Variants in VSNL1 observed in about 807,000 individuals in gnomAD.
The protein encoded by VSNL1 is visinin like 1, also known as visinin-like protein 1.
VSNL1 carries 6 observed loss-of-function variants against 20.4 expected under a neutral mutation model. The observed-to-expected ratio is 0.29, with a 90% CI of 0.16 to 0.58. The LOEUF (loss-of-function observed/expected upper bound fraction) is 0.58, where lower values mean the gene tolerates loss of function less well. VSNL1 is among the 20% of genes least tolerant of loss of function. The pLI is 0.90. For synonymous variants in VSNL1, 93 were observed against 86.4 expected, an observed-to-expected ratio of 1.08 and a Z score of -0.42; for missense variants, 100 against 234.5, an observed-to-expected ratio of 0.43 and a Z score of 3.75.
At chr2:17,636,122 C>G (rs1390579966) in intron 2 of VSNL1, among the ~76,000 whole-genome samples, 1 of 152,090 alleles carries the variant, frequency 6.6e-6, no homozygotes, top group Non-Finnish European at 1.5e-5. Flanking sequence ...TACCATAGCA[C>G]TCCCTGGCAT....
intron 2 of VSNL1, among the ~76,000 whole-genome samples, chr2:17,606,003 AGGGTATT>A (rs1664936911): frequency 6.6e-6 from 1 of 152,220 alleles, no homozygotes; most frequent in Non-Finnish European, 1.5e-5. Flanking sequence ...CATCCTCATA[AGGGTATT>A]TGAGGTTGGT....
intron 2 of VSNL1, among the ~76,000 whole-genome samples, chr2:17,637,094 CCGGCCCCTCTTGCCCAG>C (rs1158094216): frequency 6.6e-6 from 1 of 152,196 alleles, no homozygotes; most frequent in Non-Finnish European, 1.5e-5. Context: ...CCGGTTCCTT[CCGGCCCCTCTTGCCCAG>C]CTCTTCCCCT....
intron 1 of VSNL1, among the ~76,000 whole-genome samples, chr2:17,565,670 G>A (rs756393511): frequency 6.6e-6 from 1 of 152,180 alleles, no homozygotes; most frequent in Admixed American, 6.5e-5. Context: ...AACTGTGTTA[G>A]GATAACTGAA....
intron 2 of VSNL1, among the ~76,000 whole-genome samples, chr2:17,639,668 A>G (rs1665838897): frequency 6.6e-6 from 1 of 152,246 alleles, no homozygotes; most frequent in Non-Finnish European, 1.5e-5. Flanking sequence ...TAAAATAATA[A>G]CAACAATAAT....
chr2:17,595,196 G>C (rs1283110420), intron 2 of VSNL1, among the ~76,000 whole-genome samples: 2 of 152,194 alleles, frequency 1.3e-5, no homozygotes, highest in East Asian at 1.9e-4. Context: ...AAGACCCAGC[G>C]GCTAGCACAG....
chr2:17,648,080 G>A (rs552517955), intron 2 of VSNL1, among the ~76,000 whole-genome samples: 1 of 152,234 alleles, frequency 6.6e-6, no homozygotes, highest in East Asian at 1.9e-4. Flanking sequence ...TAGCTTTTGG[G>A]GTGATTTGTT....
Position 17,649,665 on chromosome 2 carries a change from A to G in VSNL1, c.378+40A>G. The stretch of plus-strand genomic sequence containing the variant: ...GTGGTTGGCGGGTGGTGGGCACAGA[A>G]GGAGACCCCACGGCAGCCTCCTAGG... On this transcript the variant is annotated intron_variant, in intron 3 of 3. Coordinates refer to ENST00000295156, the MANE Select transcript of VSNL1 (RefSeq NM_003385.5). This position sits in a 1 kb window ranked among gnomAD's most constrained non-coding sequence, Gnocchi z 6.4. 6.2e-7 allele frequency: 1 copy of G among 1,602,558 alleles called. No homozygotes were observed. Among genetic ancestry groups the G allele is most frequent in the Non-Finnish European group, 8.5e-7 (1 of 1,171,050 alleles).
At chr2:17,607,460 G>T (rs887448605) in intron 2 of VSNL1, among the ~76,000 whole-genome samples, 3 of 152,240 alleles carry the variant, frequency 2.0e-5, no homozygotes, top group Non-Finnish European at 4.4e-5. Flanking sequence ...TTCAATATGA[G>T]TGAGAAGAGT....
At chr2:17,540,063 C>G (rs1396914310), upstream of VSNL1, 1 of 152,288 alleles carries the variant, frequency 6.6e-6, no homozygotes, top group South Asian at 2.1e-4. Context: ...CGTTCTGGAC[C>G]GAGACTGTCC....
chr2:17,552,375 A>T (rs928590729), intron 1 of VSNL1, among the ~76,000 whole-genome samples: 1 of 152,156 alleles, frequency 6.6e-6, no homozygotes, highest in African/African-American at 2.4e-5. Context: ...TCACATAGAT[A>T]TTAAGTGATA....
rs1663271466 is a variant in VSNL1 at position 17,540,927 on chromosome 2, A to C, written c.-6+9A>C. Reference sequence around the variant, plus strand: ...TGCGCAGCGCTGTAACTGTAAGTGGAAAATACAATCTTCGTTGCATTTCTG... The same window carrying C: ...TGCGCAGCGCTGTAACTGTAAGTGGCAAATACAATCTTCGTTGCATTTCTG... On this transcript the variant is annotated intron_variant, in intron 1 of 3. Coordinates refer to ENST00000295156, the MANE Select transcript of VSNL1 (RefSeq NM_003385.5). The C allele has an allele frequency of 6.6e-6, 1 of 152,298 alleles. No individual in the cohort carries two copies. Among genetic ancestry groups the C allele is most frequent in the African/African-American group, 2.4e-5 (1 of 41,474 alleles). The allele number at this position is 152,298 out of a possible 1,614,324, so 9.4% of individuals were successfully genotyped here.
chr2:17,595,159 C>G (rs2680828), intron 2 of VSNL1, among the ~76,000 whole-genome samples: 1 of 152,086 alleles, frequency 6.6e-6, no homozygotes, highest in Non-Finnish European at 1.5e-5. Flanking sequence ...GTCATGAAGA[C>G]ACAGTCACCT....
intron 2 of VSNL1, among the ~76,000 whole-genome samples, chr2:17,619,944 G>T (rs1665317597): frequency 6.6e-6 from 1 of 152,064 alleles, no homozygotes; most frequent in Non-Finnish European, 1.5e-5. Flanking sequence ...ATAATGTGTG[G>T]TGGAGTCATG....
chr2:17,544,994 T>C (rs972241140), intron 1 of VSNL1, among the ~76,000 whole-genome samples: 2 of 152,178 alleles, frequency 1.3e-5, no homozygotes, highest in Non-Finnish European at 2.9e-5. Flanking sequence ...TTTAAAATAG[T>C]ATCTTCAGGA....
intron 2 of VSNL1, among the ~76,000 whole-genome samples, chr2:17,629,124 G>A (rs1665576211): frequency 6.6e-6 from 1 of 152,166 alleles, no homozygotes; most frequent in African/African-American, 2.4e-5. Flanking sequence ...ACCCAGCCTG[G>A]GGCTCTGGAG....
intron 1 of VSNL1, among the ~76,000 whole-genome samples, chr2:17,557,850 G>A (rs1663723400): frequency 6.6e-6 from 1 of 152,168 alleles, no homozygotes; most frequent in South Asian, 2.1e-4. Context: ...AAATTTACAA[G>A]CACCTGTGTG....
intron 1 of VSNL1, among the ~76,000 whole-genome samples, chr2:17,557,003 G>A (rs1489175441): frequency 1.3e-5 from 2 of 152,116 alleles, no homozygotes; most frequent in Non-Finnish European, 2.9e-5. Context: ...TCCAGCAAAG[G>A]AGAAAGAGGA....
Position 17,576,621 on chromosome 2 carries a change from T to C in VSNL1, c.-5-15449T>C, listed in dbSNP as rs192580781. Reference sequence around the variant, plus strand: ...CCTCTTCCCATTTATTTTTAAGCAATGTTAATACTTAAAAGACACGTATGT... The same window carrying C: ...CCTCTTCCCATTTATTTTTAAGCAACGTTAATACTTAAAAGACACGTATGT... On this transcript the variant is annotated intron_variant, in intron 1 of 3. Transcript: ENST00000295156. Among the ~76,000 whole-genome samples the C allele has an allele frequency of 3.6e-3, 543 of 152,360 alleles. 3 individuals carry two copies. Among genetic ancestry groups the C allele is most frequent in the African/African-American group, 0.013 (530 of 41,590 alleles).
At chr2:17,613,107 T>G (rs1005146981) in intron 2 of VSNL1, among the ~76,000 whole-genome samples, 5 of 152,070 alleles carry the variant, frequency 3.3e-5, no homozygotes, top group African/African-American at 4.8e-5. Flanking sequence ...TCCCCTCTCT[T>G]TTTTTTGGAG....
Sources: gnomAD v4.1 joint callset for allele counts (sites outside exome capture counted in the v4.1 genomes callset) on GRCh38, gnomAD v4.1.1 for gene constraint, Gnocchi (gnomAD v3.1) non-coding constraint, MANE v1.5 for transcripts, NCBI Gene and HGNC (gene_info 2026-07-23, HGNC 2026-07-21) for gene names.